ANKS1A: variants seen among roughly 807,000 people sequenced by gnomAD.
ANKS1A encodes ankyrin repeat and SAM domain-containing protein 1A.
A neutral mutation model predicts 120.3 loss-of-function variants in ANKS1A; 55 were observed. That is an observed-to-expected ratio of 0.46 (90% CI 0.37 to 0.57). ANKS1A has a LOEUF of 0.57. Ranked by LOEUF, ANKS1A falls within the 20% of genes least tolerant of loss-of-function variation. The pLI, the probability that ANKS1A is intolerant of heterozygous loss-of-function variation, is 0.00. For synonymous variants in ANKS1A, 590 were observed against 604.7 expected (o/e 0.98, Z 0.36); for missense variants, 1,123 against 1,480.3 (o/e 0.76, Z 3.96).
intron 7 of ANKS1A, among the ~76,000 whole-genome samples, chr6:34,983,891 A>G (rs1197518010): frequency 1.3e-5 from 2 of 151,070 alleles, no homozygotes; most frequent in African/African-American, 2.4e-5. Flanking sequence ...TCCCGGGTTC[A>G]AATGATTCTC....
At chr6:35,073,115 C>T (rs776624901) in intron 13 of ANKS1A, among the ~76,000 whole-genome samples, 9 of 152,284 alleles carry the variant, frequency 5.9e-5, no homozygotes, top group East Asian at 1.9e-4. Context: ...GGTGTGAAGC[C>T]CCTAGCACAG....
At chr6:35,091,505 G>C, downstream of ANKS1A, 1 of 832,768 alleles carries the variant, frequency 1.2e-6, no homozygotes, top group Non-Finnish European at 1.4e-6. Context: ...TCAGTGATTC[G>C]CATCCTACAC....
intron 11 of ANKS1A, among the ~76,000 whole-genome samples, chr6:35,028,094 A>G (rs1489435638): frequency 6.6e-6 from 1 of 152,252 alleles, no homozygotes; most frequent in Non-Finnish European, 1.5e-5. Flanking sequence ...GCAAGAAGCC[A>G]TTGTAAACTC....
intron 1 of ANKS1A, among the ~76,000 whole-genome samples, chr6:34,929,032 G>T (rs1768847221): frequency 6.6e-6 from 1 of 152,182 alleles, no homozygotes; most frequent in Non-Finnish European, 1.5e-5. Flanking sequence ...GTTTACTAAA[G>T]ATATTATGGA....
chr6:34,942,145 T>C (rs1478079243), intron 1 of ANKS1A, among the ~76,000 whole-genome samples: 1 of 152,226 alleles, frequency 6.6e-6, no homozygotes, highest in African/African-American at 2.4e-5. Flanking sequence ...GAGGATAGCT[T>C]AATAATCGGA....
At chr6:35,092,710 T>C (rs540806339), downstream of ANKS1A, among the ~76,000 whole-genome samples, 2 of 152,322 alleles carry the variant, frequency 1.3e-5, no homozygotes, top group East Asian at 1.9e-4. Context: ...CATCATCCCT[T>C]CTGGGACCAC....
At position 35,017,744 on chromosome 6, in the gene ANKS1A, A is replaced by C. The variant is rs753164037; in HGVS notation, c.1695A>C (p.Arg565Ser). The change falls in exon 11 of 24, where the codon AGA (arginine) becomes AGC (serine). Residue 565 changes from arginine (R) to serine (S), a missense_variant. Transcript: ENST00000360359. ...SQPSALDQSK[R>S]VGYLTGLPTT... is the part of the protein sequence containing the mutation. ...CCAGTGCCCTGGACCAGAGCAAGAG[A>C]GTGGGCTACCTCACAGGCCTGCCCA... is the stretch of plus-strand genomic sequence containing the variant. 2.5e-6 allele frequency: 4 copies of C among 1,614,010 alleles called. No individual in the cohort carries two copies. The highest frequency in any genetic ancestry group is 1.7e-5 in the Admixed American group (1 of 60,010).
chr6:34,956,793 A>T (rs879687225), intron 1 of ANKS1A, among the ~76,000 whole-genome samples: 1 of 152,194 alleles, frequency 6.6e-6, no homozygotes, highest in Non-Finnish European at 1.5e-5. Flanking sequence ...TGTTCCTAAT[A>T]TTCCTGCGTC....
In ANKS1A at chr6:35,089,813, G is replaced by T; in HGVS notation, c.*1204G>T. Reference sequence around the variant, plus strand: ...ATGCAGGGGAAACTGCTGTGGATTTGAGAGGCAAAGTTGGCTCAGCTGTGT... The same window carrying T: ...ATGCAGGGGAAACTGCTGTGGATTTTAGAGGCAAAGTTGGCTCAGCTGTGT... On this transcript the variant is annotated 3_prime_UTR_variant, in exon 24 of 24. Coordinates refer to ENST00000360359, the MANE Select transcript of ANKS1A (RefSeq NM_015245.3). The T allele has an allele frequency of 9.7e-7, 1 of 1,025,950 alleles. No homozygotes were observed. 63.6% of individuals were successfully genotyped at this position (1,025,950 alleles called of 1,614,324 possible). A position where few individuals can be genotyped will look rare whatever the true frequency, so the allele number is the denominator to read the frequency against.
At chr6:35,039,425 G>T in intron 11 of ANKS1A, 2 of 365,466 alleles carry the variant, frequency 5.5e-6, no homozygotes, top group South Asian at 4.1e-5. Flanking sequence ...TTGAACTCCC[G>T]ACCTCAGGTG....
rs1472290991 is a variant in ANKS1A at position 34,982,879 on chromosome 6, T to C, written c.808+52T>C. 2 of 1,610,896 alleles carry C rather than the reference T, an allele frequency of 1.2e-6. No homozygotes were observed. Among genetic ancestry groups the C allele is most frequent in the East Asian group, 2.2e-5 (1 of 44,888 alleles). ...ACACAGCGTGCCAGGGTTGGGATTG[T>C]TTCTCCCTAGTCCCCTAGGGGGATT... On this transcript the variant is annotated intron_variant, in intron 5 of 23. Transcript: ENST00000360359. The surrounding 1 kb of genome is among the most constrained non-coding windows in gnomAD (Gnocchi z 4.9).
At chr6:34,994,729 T>C (rs1450006543) in intron 10 of ANKS1A, among the ~76,000 whole-genome samples, 1 of 152,162 alleles carries the variant, frequency 6.6e-6, no homozygotes, top group Non-Finnish European at 1.5e-5. Context: ...GGGTCTCAAA[T>C]CATAAACCCT....
At chr6:34,892,526 G>A (rs1766873769) in intron 1 of ANKS1A, among the ~76,000 whole-genome samples, 2 of 152,212 alleles carry the variant, frequency 1.3e-5, no homozygotes, top group Non-Finnish European at 1.5e-5. Context: ...TACAGTTGCA[G>A]TGGAATAATT....
intron 13 of ANKS1A, among the ~76,000 whole-genome samples, chr6:35,070,497 T>A (rs1003660220): frequency 0.033 from 4,652 of 143,024 alleles, 146 homozygotes; most frequent in African/African-American, 0.083. Context: ...TTTTTTTTTT[T>A]TTTTTTTTTT....
At chr6:34,967,151 C>T in intron 1 of ANKS1A, 88 bp from the exon 2 acceptor site, 1 of 1,311,944 alleles carries the variant, frequency 7.6e-7, no homozygotes. Context: ...ACACAGAAAT[C>T]TTTACTAATT....
chr6:34,954,223 TG>T (rs1166350173), intron 1 of ANKS1A, among the ~76,000 whole-genome samples: 1 of 152,190 alleles, frequency 6.6e-6, no homozygotes, highest in African/African-American at 2.4e-5. Context: ...CTTTCTGTTA[TG>T]GGGATTGAGA....
In ANKS1A at chr6:35,091,340, G is replaced by GTTAT. The variant is rs1394428666; in HGVS notation, c.*2734_*2737dup. The GTTAT allele has an allele frequency of 4.1e-6, 4 of 985,500 alleles. No homozygotes were observed. The highest frequency in any genetic ancestry group is 4.8e-6 in the Non-Finnish European group (4 of 829,942). 61.0% of individuals were successfully genotyped at this position (985,500 alleles called of 1,614,324 possible). The stretch of plus-strand genomic sequence containing the variant: ...TTTCTGGGCTTCCAGCTTTGGTTTT[G>GTTAT]TTATTTTCATAACTGTACACAACTT... On this transcript the variant is annotated 3_prime_UTR_variant, in exon 24 of 24. Coordinates refer to ENST00000360359, the MANE Select transcript of ANKS1A (RefSeq NM_015245.3).
At chr6:35,081,712 C>T (rs527742863) in intron 17 of ANKS1A, among the ~76,000 whole-genome samples, 120 of 152,364 alleles carry the variant, frequency 7.9e-4, no homozygotes, top group Non-Finnish European at 1.4e-3. Context: ...CCTCCGCTCC[C>T]GGTGCCCGCT....
At chr6:35,067,599 G>T (rs1776842905) in intron 13 of ANKS1A, among the ~76,000 whole-genome samples, 1 of 152,172 alleles carries the variant, frequency 6.6e-6, no homozygotes, top group Non-Finnish European at 1.5e-5. Context: ...TTCACATGCA[G>T]TAGATGGGCA....
Sources: allele counts gnomAD v4.1 joint callset (sites outside exome capture counted in the v4.1 genomes callset), GRCh38; gene constraint gnomAD v4.1.1; non-coding constraint Gnocchi (gnomAD v3.1); transcripts MANE v1.5; gene names NCBI Gene and HGNC (gene_info 2026-07-23, HGNC 2026-07-21).